Variants in POLR2M observed in about 807,000 individuals in gnomAD.
POLR2M encodes RNA polymerase II subunit M, also known as protein GRINL1A.
Under a neutral mutation model 34.6 loss-of-function variants are expected in POLR2M, and 30 were observed. That is an observed-to-expected ratio of 0.87 (90% CI 0.65 to 1.18). POLR2M has a LOEUF of 1.18. Ranked by LOEUF, POLR2M falls within the 50% of genes most tolerant of loss-of-function variation. POLR2M has a pLI of 0.00. For synonymous variants in POLR2M, 150 were observed against 166.7 expected (o/e 0.90, Z 0.77); for missense variants, 432 against 448.7 (o/e 0.96, Z 0.34).
At position 57,716,465 on chromosome 15, in the gene POLR2M, A is replaced by G. The variant is rs181020891; in HGVS notation, c.*1786A>G. The G allele has an allele frequency of 1.3e-5, 2 of 152,258 alleles. No individual in the cohort carries two copies. Among genetic ancestry groups the G allele is most frequent in the East Asian group, 1.9e-4 (1 of 5,204 alleles). 9.4% of individuals were successfully genotyped at this position (152,258 alleles called of 1,614,324 possible). ...GTTTTTGAGAATTTTTATATATATT[A>G]CTCACTGCAGAGATCATGTTCATTT... On this transcript the variant is annotated 3_prime_UTR_variant, in exon 4 of 4. Coordinates refer to ENST00000299638, the MANE Select transcript of POLR2M (RefSeq NM_015532.5).
Position 57,712,057 on chromosome 15 carries a change from C to T in POLR2M, c.832C>T (p.Arg278Trp), listed in dbSNP as rs375123004. Reference protein sequence around the residue: ...SGSPISSEERRRRDKQHLDDI... With the variant: ...SGSPISSEERWRRDKQHLDDI... ...GTCTCCTATTTCCTCAGAAGAGCGG[C>T]GGCGCAGGGATAAGCAGCATCTTGA... Residue 278 changes from arginine to tryptophan, a missense_variant, in exon 3 of 4, where the codon CGG becomes TGG. Transcript: ENST00000299638. 33 of 1,614,006 alleles carry T rather than the reference C, an allele frequency of 2.0e-5. 1 individual carries two copies. In the Admixed American group the frequency reaches 2.5e-4, roughly 12 times the overall value.
rs139100969 is a variant in POLR2M at position 57,708,905 on chromosome 15, C to T, written c.305C>T (p.Ser102Phe). The T allele has an allele frequency of 6.2e-7, 1 of 1,614,112 alleles. No individual in the cohort carries two copies. The highest frequency in any genetic ancestry group is 8.5e-7 in the Non-Finnish European group (1 of 1,179,974). ...GTGGGTACAGATAAGGCCCAGAATT[C>T]TGACCCGATACTTGATACTTCATCA... ...VDVGTDKAQN[S>F]DPILDTSSLV... is the part of the protein sequence containing the mutation. The change falls in exon 2 of 4, where the codon TCT (serine) becomes TTT (phenylalanine). Residue 102 changes from serine (S) to phenylalanine (F), a missense_variant. Ser to Phe is a radical substitution (Grantham distance 155, BLOSUM62 -2). Coordinates refer to ENST00000299638, the MANE Select transcript of POLR2M (RefSeq NM_015532.5).
At chr15:57,710,294 A>G (rs1358501834) in intron 2 of POLR2M, among the ~76,000 whole-genome samples, 1 of 152,240 alleles carries the variant, frequency 6.6e-6, no homozygotes, top group Non-Finnish European at 1.5e-5. Flanking sequence ...ATCTTTTTGA[A>G]AATAATTGCT....
chr15:57,707,623 A>C lies in POLR2M; in HGVS notation c.113+668A>C, dbSNP rs370540553. On this transcript the variant is annotated intron_variant, in intron 1 of 3. Coordinates refer to ENST00000299638, the MANE Select transcript of POLR2M (RefSeq NM_015532.5). ...AACTTTTAAGCATGGACTAATTTAAATGCAGTTGACAGAGATGGCTGAAGT... is the reference window on the plus strand; with the variant it reads ...AACTTTTAAGCATGGACTAATTTAACTGCAGTTGACAGAGATGGCTGAAGT... 1.2e-4 allele frequency: 54 copies of C among 436,404 alleles called. 1 individual carries two copies. The highest frequency in any genetic ancestry group is 9.3e-4 in the African/African-American group (46 of 49,226). The allele number at this position is 436,404 out of a possible 1,614,324, so 27.0% of individuals were successfully genotyped here.
At chr15:57,712,271 G>A (rs921790253) in intron 3 of POLR2M, 83 bp downstream of exon 3, 20 of 1,503,216 alleles carry the variant, frequency 1.3e-5, no homozygotes, top group Non-Finnish European at 1.7e-5. Context: ...AAGGAGGAAG[G>A]AATGGAATAG....
Position 57,709,189 on chromosome 15 carries a change from C to T in POLR2M, c.589C>T (p.Gln197Ter). ...SFDNLFIDRLQRITIADQGEQ... is the reference protein window; with the variant it reads ...SFDNLFIDRL ...TGACAACCTGTTTATTGACAGGTTA[C>T]AGAGGATCACCATTGCGGACCAAGG... Residue 197 changes from glutamine (Q) to a stop codon, truncating the protein, a stop_gained, in exon 2 of 4, where the codon CAG becomes TAG. Transcript: ENST00000299638. LOFTEE classifies it high-confidence loss of function. 6.2e-7 allele frequency: 1 copy of T among 1,614,176 alleles called. No homozygotes were observed. The highest frequency in any genetic ancestry group is 1.1e-5 in the South Asian group (1 of 91,080).
At chr15:57,712,990 C>G (rs1465218622) in intron 3 of POLR2M, among the ~76,000 whole-genome samples, 1 of 152,102 alleles carries the variant, frequency 6.6e-6, no homozygotes, top group African/African-American at 2.4e-5. Context: ...CCAGACTGTT[C>G]AGGAGTTCGA....
chr15:57,709,357 G>A lies in POLR2M; in HGVS notation c.757G>A (p.Val253Met), dbSNP rs371270432. Residue 253 changes from valine to methionine, a missense_variant and splice_region_variant, in exon 2 of 4, where the codon GTG becomes ATG. Coordinates refer to ENST00000299638, the MANE Select transcript of POLR2M (RefSeq NM_015532.5). ...CCAGCTGCGTAAATTTAAAACCAATGTGTAAGTACCCTCGGAAACAGGCCT... is the reference window on the plus strand; with the variant it reads ...CCAGCTGCGTAAATTTAAAACCAATATGTAAGTACCCTCGGAAACAGGCCT... ...VPQLRKFKTN[V>M]LPFRQNDSSS... 2.2e-5 allele frequency: 35 copies of A among 1,610,118 alleles called. 1 individual carries two copies. Among genetic ancestry groups the A allele is most frequent in the Middle Eastern group, 1.6e-4 (1 of 6,064 alleles).
At position 57,708,964 on chromosome 15, in the gene POLR2M, A is replaced by G. The variant is rs1372210838; in HGVS notation, c.364A>G (p.Lys122Glu). Residue 122 changes from lysine to glutamate, a missense_variant, in exon 2 of 4, where the codon AAG becomes GAG. Transcript: ENST00000299638. ...VPGCSSVDNIKSSQTSQNQGL... is the reference protein window; with the variant it reads ...VPGCSSVDNIESSQTSQNQGL... The stretch of plus-strand genomic sequence containing the variant: ...TGGATGTTCCTCTGTAGATAACATC[A>G]AGTCATCTCAAACCTCACAAAACCA... 6.2e-7 allele frequency: 1 copy of G among 1,614,072 alleles called. No homozygotes were observed. Among genetic ancestry groups the G allele is most frequent in the Admixed American group, 1.7e-5 (1 of 60,020 alleles).
chr15:57,714,516 C>T lies in POLR2M; in HGVS notation c.964-20C>T. On this transcript the variant is annotated intron_variant, in intron 3 of 3. Transcript: ENST00000299638. Reference sequence around the variant, plus strand: ...AGAGATGTGAACGTGTAACTTTGTGCTTTGCTCTTTGTTTTAAAGGAGATG... The same window carrying T: ...AGAGATGTGAACGTGTAACTTTGTGTTTTGCTCTTTGTTTTAAAGGAGATG... 6.2e-7 allele frequency: 1 copy of T among 1,611,840 alleles called. No individual in the cohort carries two copies. Among genetic ancestry groups the T allele is most frequent in the Non-Finnish European group, 8.5e-7 (1 of 1,179,176 alleles).
At chr15:57,711,746 A>G (rs1453082726) in intron 2 of POLR2M, among the ~76,000 whole-genome samples, 1 of 36,334 alleles carries the variant, frequency 2.8e-5, no homozygotes, top group African/African-American at 2.1e-4. Context: ...TGAATAAATG[A>G]AAAAAAAAAA....
rs149859591 is a variant in POLR2M, at chr15:57,712,620, G to A, written c.963+432G>A. Among the ~76,000 whole-genome samples the A allele has an allele frequency of 2.9e-3, 443 of 152,266 alleles. 2 individuals carry two copies. The highest frequency in any genetic ancestry group is 0.01 in the African/African-American group (428 of 41,544). On this transcript the variant is annotated intron_variant, in intron 3 of 3. Transcript: ENST00000299638. ...TTCCATCTTCTGCAGTACAGGGGAG[G>A]GCATAGAAGGAGTGGGAGGATAATG...
At position 57,708,952 on chromosome 15, in the gene POLR2M, G is replaced by T. The variant is rs755460254; in HGVS notation, c.352G>T (p.Val118Leu). ...ATCACTAGTTCCTGGATGTTCCTCT[G>T]TAGATAACATCAAGTCATCTCAAAC... is the stretch of plus-strand genomic sequence containing the variant. Reference protein sequence around the residue: ...TSSLVPGCSSVDNIKSSQTSQ... With the variant: ...TSSLVPGCSSLDNIKSSQTSQ... Residue 118 changes from valine to leucine, a missense_variant, in exon 2 of 4, where the codon GTA becomes TTA. Val to Leu is a conservative substitution (Grantham distance 32, BLOSUM62 1). Transcript: ENST00000299638. 1 of 1,613,958 alleles carries T rather than the reference G, an allele frequency of 6.2e-7. No individual in the cohort carries two copies. Among genetic ancestry groups the T allele is most frequent in the South Asian group, 1.1e-5 (1 of 91,082 alleles).
In POLR2M at chr15:57,714,740, A is replaced by G. The variant is rs2040877529; in HGVS notation, c.*61A>G. The G allele has an allele frequency of 1.5e-5, 24 of 1,578,610 alleles. No homozygotes were observed. Among genetic ancestry groups the G allele is most frequent in the Non-Finnish European group, 1.9e-5 (22 of 1,161,714 alleles). On this transcript the variant is annotated 3_prime_UTR_variant, in exon 4 of 4. Transcript: ENST00000299638. ...TCATCTTACATCAGACTTTCTAACTAGTATCAAGATCAGTGTCAGATATTG... is the reference window on the plus strand; with the variant it reads ...TCATCTTACATCAGACTTTCTAACTGGTATCAAGATCAGTGTCAGATATTG...
chr15:57,708,830 C>T lies in POLR2M; in HGVS notation c.230C>T (p.Pro77Leu), dbSNP rs564578717. The change falls in exon 2 of 4, where the codon CCT becomes CTT. Residue 77 changes from proline (P) to leucine (L), a missense_variant. Pro to Leu is a moderately conservative substitution (Grantham distance 98). Coordinates refer to ENST00000299638, the MANE Select transcript of POLR2M (RefSeq NM_015532.5). ...AGAAGAAAAAGTGAACTGTTTAACCCTGTTAGTTTAGACTGTAAGCTAAGG... is the reference window on the plus strand; with the variant it reads ...AGAAGAAAAAGTGAACTGTTTAACCTTGTTAGTTTAGACTGTAAGCTAAGG... ...EVRRKSELFN[P>L]VSLDCKLRQK... is the part of the protein sequence containing the mutation. The T allele has an allele frequency of 2.1e-5, 34 of 1,613,972 alleles. No individual in the cohort carries two copies. The South Asian group carries it at 3.7e-4, about 18-fold the overall frequency.
chr15:57,716,612 T>G lies in POLR2M; in HGVS notation c.*1933T>G, dbSNP rs1567273142. Reference sequence around the variant, plus strand: ...ATTTGTATTTGTTTTTCTTACTTAGTGAAGGTTGTGTTTTTTTTCATATTC... The same window carrying G: ...ATTTGTATTTGTTTTTCTTACTTAGGGAAGGTTGTGTTTTTTTTCATATTC... On this transcript the variant is annotated 3_prime_UTR_variant, in exon 4 of 4. Coordinates refer to ENST00000299638, the MANE Select transcript of POLR2M (RefSeq NM_015532.5). 2 of 152,300 alleles carry G rather than the reference T, an allele frequency of 1.3e-5. No individual in the cohort carries two copies. The highest frequency in any genetic ancestry group is 1.5e-5 in the Non-Finnish European group (1 of 68,048). The allele number at this position is 152,300 out of a possible 1,614,324, so 9.4% of individuals were successfully genotyped here.
At position 57,714,814 on chromosome 15, in the gene POLR2M, G is replaced by A; in HGVS notation, c.*135G>A. ...TTACACAAAGGTAGTTATAAAAAAA[G>A]CCCAGTTTGTCTTTCAGAAGGTGAC... is the stretch of plus-strand genomic sequence containing the variant. On this transcript the variant is annotated 3_prime_UTR_variant, in exon 4 of 4. Coordinates refer to ENST00000299638, the MANE Select transcript of POLR2M (RefSeq NM_015532.5). 7.1e-7 allele frequency: 1 copy of A among 1,413,222 alleles called. No homozygotes were observed. Among genetic ancestry groups the A allele is most frequent in the Non-Finnish European group, 9.5e-7 (1 of 1,056,054 alleles). 87.5% of individuals were successfully genotyped at this position (1,413,222 alleles called of 1,614,324 possible).
At chr15:57,707,093 G>C (rs1440394497) in intron 1 of POLR2M, 138 bp downstream of exon 1, 2 of 1,549,230 alleles carry the variant, frequency 1.3e-6, no homozygotes, top group Admixed American at 3.9e-5. Flanking sequence ...TCCTACGGGC[G>C]AGTGGACGGA....
In POLR2M at chr15:57,707,453, A is replaced by T. The variant is rs539342022; in HGVS notation, c.113+498A>T. On this transcript the variant is annotated intron_variant, in intron 1 of 3. Coordinates refer to ENST00000299638, the MANE Select transcript of POLR2M (RefSeq NM_015532.5). ...GCAAGGGAGCCACGTAATAAAAGTG[A>T]TTTTGTTTTTTAGGCAGCTTTGTTC... The T allele has an allele frequency of 1.4e-4, 82 of 585,016 alleles. No individual in the cohort carries two copies. In the East Asian group the frequency reaches 3.1e-3, roughly 22 times the overall value. The allele number at this position is 585,016 out of a possible 1,614,324, so 36.2% of individuals were successfully genotyped here.
Sources: allele counts gnomAD v4.1 joint callset (sites outside exome capture counted in the v4.1 genomes callset), GRCh38; gene constraint gnomAD v4.1.1; transcripts MANE v1.5; gene names NCBI Gene and HGNC (gene_info 2026-07-23, HGNC 2026-07-21).